UQCR11: variants seen among roughly 807,000 people sequenced by gnomAD.
The protein encoded by UQCR11 is cytochrome b-c1 complex subunit 10.
UQCR11 carries 10 observed loss-of-function variants against 7.6 expected under a neutral mutation model. The ratio of observed to expected loss-of-function variants is 1.31; its 90% confidence interval spans 0.81 to 2.22. The LOEUF is 2.22. Ranked by LOEUF, UQCR11 falls within the 30% of genes most tolerant of loss-of-function variation. The pLI, the probability that UQCR11 is intolerant of heterozygous loss-of-function variation, is 0.00. For missense variants in UQCR11, 86 were observed against 75.1 expected, an observed-to-expected ratio of 1.15 and a Z score of -0.54; for synonymous variants, 34 against 34.9, an observed-to-expected ratio of 0.97 and a Z score of 0.09.
intron 1 of UQCR11, among the ~76,000 whole-genome samples, chr19:1,600,428 T>C (rs1380128048): frequency 1.3e-5 from 2 of 152,128 alleles, no homozygotes; most frequent in African/African-American, 2.4e-5. Context: ...TTAGCCAGGA[T>C]GGTCTCAATC....
At position 1,599,371 on chromosome 19, in the gene UQCR11, G is replaced by C. The variant is rs1055096558; in HGVS notation, c.*28+41C>G. 5.0e-6 allele frequency: 8 copies of C among 1,598,234 alleles called. No individual in the cohort carries two copies. In the Admixed American group the frequency reaches 1.2e-4, roughly 23 times the overall value. ...GAACCCACTCTTCGGCCACCATCCGGCCATCATGCAGTCCACCCACCGCAG... is the reference window on the plus strand; with the variant it reads ...GAACCCACTCTTCGGCCACCATCCGCCCATCATGCAGTCCACCCACCGCAG... On this transcript the variant is annotated intron_variant, in intron 2 of 2. Transcript: ENST00000591899.
chr19:1,600,248 T>C (rs973348179), intron 1 of UQCR11, among the ~76,000 whole-genome samples: 46 of 143,454 alleles, frequency 3.2e-4, no homozygotes, highest in Non-Finnish European at 5.3e-4. Flanking sequence ...GGAGTCTTGC[T>C]CTGTCACCAA....
chr19:1,604,740 G>A (rs1320016430), intron 1 of UQCR11, among the ~76,000 whole-genome samples: 2 of 152,072 alleles, frequency 1.3e-5, no homozygotes, highest in East Asian at 1.9e-4. Context: ...CGTTGGCCAG[G>A]CTGGTCTCGA....
chr19:1,604,008 C>A (rs1379855661), intron 1 of UQCR11, among the ~76,000 whole-genome samples: 1 of 152,062 alleles, frequency 6.6e-6, no homozygotes, highest in African/African-American at 2.4e-5. Context: ...TGCAATGGCA[C>A]AATCTCAGCT....
intron 1 of UQCR11, among the ~76,000 whole-genome samples, chr19:1,603,054 G>C (rs550146157): frequency 1.3e-5 from 2 of 152,294 alleles, no homozygotes; most frequent in South Asian, 4.1e-4. Flanking sequence ...CTAAGTCTGA[G>C]ACTCTGAGAC....
intron 1 of UQCR11, among the ~76,000 whole-genome samples, chr19:1,600,731 G>T (rs761825805): frequency 2.6e-5 from 4 of 152,150 alleles, no homozygotes; most frequent in Non-Finnish European, 5.9e-5. Flanking sequence ...AAAATTAGCC[G>T]GGTGTGGTGG....
chr19:1,605,218 T>C (rs1392322327), intron 1 of UQCR11, 142 bp downstream of exon 1: 82 of 1,046,418 alleles, frequency 7.8e-5, no homozygotes, highest in Non-Finnish European at 1.0e-4. Flanking sequence ...CGGCCTCAGT[T>C]TCCCCCTCTG....
chr19:1,604,681 C>A (rs903046206), intron 1 of UQCR11, among the ~76,000 whole-genome samples: 4 of 152,202 alleles, frequency 2.6e-5, no homozygotes, highest in Non-Finnish European at 5.9e-5. Context: ...GCACCCGCCA[C>A]CACGCCTGGC....
chr19:1,601,969 C>G (rs1194413070), intron 1 of UQCR11: 1 of 152,172 alleles, frequency 6.6e-6, no homozygotes, highest in Non-Finnish European at 1.5e-5. Flanking sequence ...CTAGACCAGC[C>G]TGGCCAACAT....
Position 1,599,393 on chromosome 19 carries a change from G to T in UQCR11, c.*28+19C>A. ...CCGGCCATCATGCAGTCCACCCACC[G>T]CAGCCCACTGAAACTTACCAGAGCA... On this transcript the variant is annotated intron_variant, in intron 2 of 2. Coordinates refer to ENST00000591899, the MANE Select transcript of UQCR11 (RefSeq NM_006830.4). The T allele has an allele frequency of 6.2e-7, 1 of 1,608,142 alleles. No homozygotes were observed.
intron 1 of UQCR11, 43 bp downstream of exon 1, chr19:1,605,317 C>T (rs779413725): frequency 1.9e-6 from 3 of 1,543,670 alleles, no homozygotes; most frequent in Non-Finnish European, 2.6e-6. Flanking sequence ...CGGGGCTGGG[C>T]CGAGGCGGGA....
At chr19:1,600,241 G>A (rs2060743483) in intron 1 of UQCR11, among the ~76,000 whole-genome samples, 2 of 143,544 alleles carry the variant, frequency 1.4e-5, no homozygotes, top group East Asian at 4.1e-4. Flanking sequence ...TTGAGACGGA[G>A]TCTTGCTCTG....
At position 1,599,564 on chromosome 19, in the gene UQCR11, C is replaced by A; in HGVS notation, c.51-4G>T. The A allele has an allele frequency of 1.2e-6, 2 of 1,607,990 alleles. No homozygotes were observed. The highest frequency in any genetic ancestry group is 1.7e-6 in the Non-Finnish European group (2 of 1,179,922). On this transcript the variant is annotated splice_polypyrimidine_tract_variant and splice_region_variant and intron_variant, in intron 1 of 2. Transcript: ENST00000591899. ...CCATGTGTAGGCCGTCGGGACCCTG[C>A]GAGAGGAGAGGGGATGGTCAGGCCT...
intron 2 of UQCR11, chr19:1,599,106 A>G: frequency 3.3e-6 from 1 of 305,720 alleles, no homozygotes; most frequent in Non-Finnish European, 6.3e-6. Context: ...CATGGGCCCC[A>G]CCCAGTTCAG....
chr19:1,604,245 G>A (rs936763791), intron 1 of UQCR11, among the ~76,000 whole-genome samples: 3 of 151,806 alleles, frequency 2.0e-5, no homozygotes, highest in African/African-American at 2.4e-5. Context: ...GCGCCCAGCA[G>A]CTCTAAATTT....
chr19:1,605,441 G>T lies in UQCR11; in HGVS notation c.-32C>A, dbSNP rs1476156745. ...GGAGTCGCACCCTCAGGATGACCCTGTCCAGCTGACCCGGCTACACTGCGC... is the reference window on the plus strand; with the variant it reads ...GGAGTCGCACCCTCAGGATGACCCTTTCCAGCTGACCCGGCTACACTGCGC... On this transcript the variant is annotated 5_prime_UTR_variant, in exon 1 of 3. Coordinates refer to ENST00000591899, the MANE Select transcript of UQCR11 (RefSeq NM_006830.4). 4 of 1,431,014 alleles carry T rather than the reference G, an allele frequency of 2.8e-6. No individual in the cohort carries two copies. Among genetic ancestry groups the T allele is most frequent in the Non-Finnish European group, 1.8e-6 (2 of 1,083,458 alleles). The allele number at this position is 1,431,014 out of a possible 1,614,324, so 88.6% of individuals were successfully genotyped here.
chr19:1,597,908 T>C lies in UQCR11; in HGVS notation c.*336A>G, dbSNP rs1232925002. ...GATACTACTTATGAGCCATTTCAAA[T>C]AGGCAGTTTCTGTCAGCCATTGGAA... On this transcript the variant is annotated 3_prime_UTR_variant, in exon 3 of 3. Transcript: ENST00000591899. 1.3e-5 allele frequency: 2 copies of C among 152,234 alleles called. No homozygotes were observed. Among genetic ancestry groups the C allele is most frequent in the Admixed American group, 6.6e-5 (1 of 15,264 alleles). 9.4% of individuals were successfully genotyped at this position (152,234 alleles called of 1,614,324 possible). A position where few individuals can be genotyped will look rare whatever the true frequency, so the allele number is the denominator to read the frequency against.
At chr19:1,603,152 G>A (rs1012944409) in intron 1 of UQCR11, among the ~76,000 whole-genome samples, 17 of 152,232 alleles carry the variant, frequency 1.1e-4, no homozygotes, top group African/African-American at 3.6e-4. Flanking sequence ...ACGGCCCCTC[G>A]CACGCACGTG....
chr19:1,605,318 C>G, intron 1 of UQCR11, 42 bp downstream of exon 1: 2 of 1,544,688 alleles, frequency 1.3e-6, no homozygotes, highest in Non-Finnish European at 1.7e-6. Flanking sequence ...GGGGCTGGGC[C>G]GAGGCGGGAG....
Sources: gnomAD v4.1 joint callset for allele counts (sites outside exome capture counted in the v4.1 genomes callset) on GRCh38, gnomAD v4.1.1 for gene constraint, MANE v1.5 for transcripts, NCBI Gene and HGNC (gene_info 2026-07-23, HGNC 2026-07-21) for gene names.